Variants in KATNAL1 observed in about 807,000 individuals in gnomAD.
The protein encoded by KATNAL1 is katanin catalytic subunit A1 like 1, also known as katanin p60 ATPase-containing subunit A-like 1.
KATNAL1 carries 32 observed loss-of-function variants against 55.2 expected under a neutral mutation model. The ratio of observed to expected loss-of-function variants is 0.58; its 90% CI spans 0.44 to 0.78. KATNAL1 has a LOEUF of 0.78. KATNAL1 is among the 30% of genes least tolerant of loss of function. The pLI is 0.00. For missense variants in KATNAL1, 466 were observed against 600.9 expected (o/e 0.78, Z 2.35); for synonymous variants, 193 against 193.6 (o/e 1.00, Z 0.02).
intron 9 of KATNAL1, among the ~76,000 whole-genome samples, chr13:30,215,328 G>A (rs1874106807): frequency 6.6e-6 from 1 of 152,208 alleles, no homozygotes; most frequent in Non-Finnish European, 1.5e-5. Flanking sequence ...CTGTTGATGG[G>A]ACCGTAAACT....
chr13:30,228,528 C>G (rs926249331), intron 8 of KATNAL1, among the ~76,000 whole-genome samples: 1 of 152,180 alleles, frequency 6.6e-6, no homozygotes, highest in Non-Finnish European at 1.5e-5. Flanking sequence ...AATTTGTATT[C>G]AGTGATTTCC....
At chr13:30,272,964 C>T (rs954381699) in intron 3 of KATNAL1, among the ~76,000 whole-genome samples, 1 of 152,166 alleles carries the variant, frequency 6.6e-6, no homozygotes, top group African/African-American at 2.4e-5. Context: ...TCTCTACAAC[C>T]ACACCCTTAC....
At chr13:30,244,265 C>CT (rs560207914) in intron 4 of KATNAL1, among the ~76,000 whole-genome samples, 1 of 152,076 alleles carries the variant, frequency 6.6e-6, no homozygotes, top group South Asian at 2.1e-4. Context: ...TGAACTCATC[C>CT]TTTTTTATGG....
chr13:30,219,097 T>C (rs1233899963), intron 9 of KATNAL1, among the ~76,000 whole-genome samples: 2 of 152,230 alleles, frequency 1.3e-5, no homozygotes, highest in African/African-American at 4.8e-5. Flanking sequence ...TTTCTTATAA[T>C]CTTTGCCTTT....
At chr13:30,291,846 A>C (rs1882154315) in intron 1 of KATNAL1, among the ~76,000 whole-genome samples, 1 of 151,956 alleles carries the variant, frequency 6.6e-6, no homozygotes, top group Non-Finnish European at 1.5e-5. Context: ...GACCAGCCTG[A>C]CCAACATGAA....
chr13:30,265,429 A>C (rs1490946375), intron 3 of KATNAL1, among the ~76,000 whole-genome samples: 1 of 151,200 alleles, frequency 6.6e-6, no homozygotes, highest in Non-Finnish European at 1.5e-5. Context: ...AAAAAAAAGC[A>C]TTCCCTCATT....
intron 1 of KATNAL1, among the ~76,000 whole-genome samples, chr13:30,301,806 T>C (rs186682036): frequency 1.3e-5 from 2 of 152,242 alleles, no homozygotes; most frequent in African/African-American, 4.8e-5. Context: ...TCATAGTGCT[T>C]TGAACAGCCT....
At chr13:30,236,072 G>T (rs1163675209) in intron 6 of KATNAL1, among the ~76,000 whole-genome samples, 1 of 152,140 alleles carries the variant, frequency 6.6e-6, no homozygotes, top group African/African-American at 2.4e-5. Context: ...AGGAGGAGAA[G>T]GAAAAGGAGG....
intron 1 of KATNAL1, among the ~76,000 whole-genome samples, chr13:30,302,442 A>G (rs974912459): frequency 1.1e-5 from 1 of 87,390 alleles, no homozygotes; most frequent in Non-Finnish European, 3.1e-5. Flanking sequence ...AGTAGGTCAG[A>G]AAAAAAAAAC....
chr13:30,214,062 C>T (rs1324248026), intron 9 of KATNAL1, among the ~76,000 whole-genome samples: 1 of 152,154 alleles, frequency 6.6e-6, no homozygotes, highest in Admixed American at 6.5e-5. Context: ...AGCTGATAAG[C>T]AACTTCAGCA....
At chr13:30,216,051 T>C (rs1226719230) in intron 9 of KATNAL1, among the ~76,000 whole-genome samples, 1 of 152,168 alleles carries the variant, frequency 6.6e-6, no homozygotes, top group East Asian at 1.9e-4. Flanking sequence ...AAAATGAATG[T>C]GAGGTGGCAG....
At chr13:30,285,754 A>G (rs1228452832) in intron 1 of KATNAL1, among the ~76,000 whole-genome samples, 3 of 152,222 alleles carry the variant, frequency 2.0e-5, no homozygotes, top group Non-Finnish European at 4.4e-5. Context: ...AAAATGTGGG[A>G]AACTCTGGAA....
In KATNAL1 at chr13:30,207,937, T is replaced by C. The variant is rs909855424; in HGVS notation, c.*603A>G. 2.6e-5 allele frequency: 4 copies of C among 152,190 alleles called. No homozygotes were observed. The highest frequency in any genetic ancestry group is 9.7e-5 in the African/African-American group (4 of 41,436). 9.4% of individuals were successfully genotyped at this position (152,190 alleles called of 1,614,324 possible). A position where few individuals can be genotyped will look rare whatever the true frequency, so the allele number is the denominator to read the frequency against. Reference sequence around the variant, plus strand: ...CAAATACCACAGAGCGTGAGAATATTCCTCAGTAAAGCTCAAGATATTATG... The same window carrying C: ...CAAATACCACAGAGCGTGAGAATATCCCTCAGTAAAGCTCAAGATATTATG... On this transcript the variant is annotated 3_prime_UTR_variant, in exon 11 of 11. Transcript: ENST00000380615.
rs1383608158 is a variant in KATNAL1 at position 30,260,899 on chromosome 13, C to G, written c.324-5284G>C. Among the ~76,000 whole-genome samples, 3 of 150,026 alleles carry G rather than the reference C, an allele frequency of 2.0e-5. No individual in the cohort carries two copies. The East Asian group carries it at 5.8e-4, about 29-fold the overall frequency. On this transcript the variant is annotated intron_variant, in intron 3 of 10. Coordinates refer to ENST00000380615, the MANE Select transcript of KATNAL1 (RefSeq NM_032116.5). The stretch of plus-strand genomic sequence containing the variant: ...CAAAGATACTCCTCGAGAAGAGCAA[C>G]TCCAAGACACATAATTGTCAGATTC...
chr13:30,214,832 C>A (rs1874051687), intron 9 of KATNAL1, among the ~76,000 whole-genome samples: 1 of 150,766 alleles, frequency 6.6e-6, no homozygotes, highest in Non-Finnish European at 1.5e-5. Flanking sequence ...AGAAGAAAAC[C>A]TAGGCATTAC....
intron 1 of KATNAL1, among the ~76,000 whole-genome samples, chr13:30,284,852 G>T (rs1881669798): frequency 6.6e-6 from 1 of 152,090 alleles, no homozygotes; most frequent in African/African-American, 2.4e-5. Flanking sequence ...ATCATCCAAG[G>T]CTTCTATGCA....
At chr13:30,287,345 C>T (rs1430736431) in intron 1 of KATNAL1, among the ~76,000 whole-genome samples, 1 of 152,160 alleles carries the variant, frequency 6.6e-6, no homozygotes, top group East Asian at 1.9e-4. Flanking sequence ...ATGTGTGAGT[C>T]TCATGAGATC....
chr13:30,210,525 G>GA, intron 9 of KATNAL1, 83 bp from the exon 10 acceptor site: 1 of 1,257,764 alleles, frequency 8.0e-7, no homozygotes, highest in East Asian at 2.5e-5. Context: ...ACATTTGGGG[G>GA]AAAAATGAGG....
At chr13:30,240,695 TG>T (rs1877180760) in intron 5 of KATNAL1, 130 bp from the exon 6 acceptor site, 4 of 707,324 alleles carry the variant, frequency 5.7e-6, no homozygotes, top group Non-Finnish European at 6.9e-6. Flanking sequence ...TAATTCTTAC[TG>T]CATAAAAAGA....
Sources: gnomAD v4.1 joint callset for allele counts (sites outside exome capture counted in the v4.1 genomes callset) on GRCh38, gnomAD v4.1.1 for gene constraint, MANE v1.5 for transcripts, NCBI Gene and HGNC (gene_info 2026-07-23, HGNC 2026-07-21) for gene names.